The following NBAS variants were observed in gnomAD, a reference collection of about 807,000 sequenced individuals.
NBAS encodes the protein NAG/BC035112 fusion.
A neutral mutation model predicts 302.5 loss-of-function variants in NBAS; 219 were observed. The observed-to-expected ratio is 0.72, with a 90% CI of 0.65 to 0.81. The LOEUF (loss-of-function observed/expected upper bound fraction) is 0.81. NBAS is among the 30% of genes least tolerant of loss of function. The pLI, the probability that NBAS is intolerant of heterozygous loss-of-function variation, is 0.00. For missense variants in NBAS, 2,932 were observed against 2,841.6 expected (o/e 1.03, Z -0.72); for synonymous variants, 1,118 against 1,021.6 (o/e 1.09, Z -1.80).
chr2:15,236,527 C>CAA (rs1167993098), intron 45 of NBAS, among the ~76,000 whole-genome samples: 643 of 28,288 alleles, frequency 0.023, 138 homozygotes, highest in African/African-American at 0.051. Context: ...GACCCTGTCT[C>CAA]AAAAAAAAAA....
chr2:15,012,798 G>A, the NBAS span, among the ~76,000 whole-genome samples: 556 of 151,704 alleles, frequency 3.7e-3, 7 homozygotes, highest in South Asian at 0.01. Context: ...ATTATTACCC[G>A]CAAAACTACC....
chr2:15,366,641 G>A lies in NBAS; in HGVS notation c.3756C>T (p.Ser1252=). ...ISLIKECISQ[S]PTCYKQSTKL... is the part of the protein sequence containing the mutation. ...TGGTGGATTGTTTATAGCATGTGGG[G>A]GACTGGGAAATACACTCCTTGATGA... The change falls in exon 32 of 52, where the codon TCC becomes TCT. Residue 1252 remains serine, a synonymous_variant. Coordinates refer to ENST00000281513, the MANE Select transcript of NBAS (RefSeq NM_015909.4). 1.2e-6 allele frequency: 2 copies of A among 1,614,046 alleles called. No individual in the cohort carries two copies. The highest frequency in any genetic ancestry group is 3.3e-5 in the Admixed American group (2 of 60,006).
chr2:15,157,044 G>A, the NBAS span, among the ~76,000 whole-genome samples: 1 of 152,000 alleles, frequency 6.6e-6, no homozygotes, highest in Non-Finnish European at 1.5e-5. Flanking sequence ...AAATTTCTTG[G>A]ACTACCTGAA....
chr2:15,509,152 T>G (rs994472728), intron 10 of NBAS, among the ~76,000 whole-genome samples: 1 of 152,212 alleles, frequency 6.6e-6, no homozygotes, highest in African/African-American at 2.4e-5. Flanking sequence ...CACTTTACTT[T>G]TTATAGATTA....
chr2:15,309,090 A>C (rs1671161901), intron 39 of NBAS, 81 bp downstream of exon 39: 1 of 1,091,912 alleles, frequency 9.2e-7, no homozygotes, highest in Non-Finnish European at 1.3e-6. Flanking sequence ...GCATGCAATA[A>C]ACAATTTTAC....
chr2:14,873,381 A>AT, the NBAS span, among the ~76,000 whole-genome samples: 1 of 152,028 alleles, frequency 6.6e-6, no homozygotes, highest in Non-Finnish European at 1.5e-5. Flanking sequence ...CACCTGATTA[A>AT]TTTTTTTGTA....
At chr2:15,257,203 A>G (rs1668639111) in intron 44 of NBAS, among the ~76,000 whole-genome samples, 1 of 152,178 alleles carries the variant, frequency 6.6e-6, no homozygotes, top group African/African-American at 2.4e-5. Context: ...CAATTTTAAA[A>G]ATTACTGTAT....
intron 12 of NBAS, among the ~76,000 whole-genome samples, chr2:15,485,312 T>C (rs1450619666): frequency 6.6e-6 from 1 of 152,156 alleles, no homozygotes; most frequent in East Asian, 1.9e-4. Flanking sequence ...AGAGTGATTA[T>C]AGTCCTCCTA....
chr2:15,313,160 G>A (rs569820567), intron 38 of NBAS, among the ~76,000 whole-genome samples: 8 of 152,116 alleles, frequency 5.3e-5, no homozygotes, highest in Non-Finnish European at 1.2e-4. Context: ...TTAATTTGTG[G>A]TTTTAATTTG....
the NBAS span, among the ~76,000 whole-genome samples, chr2:15,055,525 G>A: frequency 6.6e-6 from 1 of 152,168 alleles, no homozygotes; most frequent in African/African-American, 2.4e-5. Flanking sequence ...TGGAAGAGCT[G>A]CAGTGTCCAT....
At chr2:15,548,312 A>G (rs1056182979) in intron 6 of NBAS, among the ~76,000 whole-genome samples, 1 of 152,206 alleles carries the variant, frequency 6.6e-6, no homozygotes, top group Non-Finnish European at 1.5e-5. Context: ...ATAATTTACA[A>G]TCTAATTGGG....
At chr2:15,556,924 C>A in intron 2 of NBAS, 105 bp from the exon 3 acceptor site, 1 of 886,114 alleles carries the variant, frequency 1.1e-6, no homozygotes, top group Non-Finnish European at 1.8e-6. Context: ...CAGAGCGAGT[C>A]ATTAAAAAAA....
chr2:15,371,929 T>C (rs1674505891), intron 31 of NBAS, among the ~76,000 whole-genome samples: 2 of 152,198 alleles, frequency 1.3e-5, no homozygotes, highest in Admixed American at 1.3e-4. Flanking sequence ...CCTTTAAGTA[T>C]AAAAATAATC....
intron 50 of NBAS, among the ~76,000 whole-genome samples, chr2:15,183,843 C>T (rs528770182): frequency 1.1e-4 from 17 of 152,270 alleles, no homozygotes; most frequent in Admixed American, 2.6e-4. Context: ...GCTTTAGGTG[C>T]TGTGCTATCT....
chr2:15,256,800 A>T (rs181609228), intron 44 of NBAS, among the ~76,000 whole-genome samples: 11 of 152,332 alleles, frequency 7.2e-5, no homozygotes, highest in Admixed American at 5.9e-4. Context: ...GTTTTCCTGC[A>T]CGTATTGAGG....
At chr2:15,034,295 AG>A in the NBAS span, among the ~76,000 whole-genome samples, 1 of 76,902 alleles carries the variant, frequency 1.3e-5, no homozygotes, top group African/African-American at 5.5e-5. Context: ...AAAGAAAGAA[AG>A]AAAGAAAGAT....
At chr2:15,156,023 G>C in the NBAS span, among the ~76,000 whole-genome samples, 1 of 152,148 alleles carries the variant, frequency 6.6e-6, no homozygotes, top group African/African-American at 2.4e-5. Flanking sequence ...CTTTCATAGT[G>C]GTGGGTTTCA....
the NBAS span, among the ~76,000 whole-genome samples, chr2:15,035,748 C>G: frequency 3.3e-5 from 5 of 152,294 alleles, no homozygotes; most frequent in East Asian, 7.7e-4. Flanking sequence ...AACAGAAAAT[C>G]AAACATCACA....
At chr2:15,341,488 G>A (rs888611419) in intron 35 of NBAS, among the ~76,000 whole-genome samples, 10 of 151,902 alleles carry the variant, frequency 6.6e-5, no homozygotes, top group African/African-American at 2.4e-4. Context: ...AAACTTGAAT[G>A]TCTTATTTTT....
Sources: allele counts gnomAD v4.1 joint callset (sites outside exome capture counted in the v4.1 genomes callset), GRCh38; gene constraint gnomAD v4.1.1; transcripts MANE v1.5; gene names NCBI Gene and HGNC (gene_info 2026-07-23, HGNC 2026-07-21).